AFTPH: variants seen among roughly 807,000 people sequenced by gnomAD.
AFTPH encodes the protein aftiphilin.
A neutral mutation model predicts 72.5 loss-of-function variants in AFTPH; 7 were observed. The ratio of observed to expected loss-of-function variants is 0.10; its 90% CI spans 0.05 to 0.18. AFTPH has a LOEUF of 0.18. Among genes scored for constraint, AFTPH ranks in the 10% least tolerant of loss-of-function variants. The pLI, the probability that AFTPH is intolerant of heterozygous loss-of-function variation, is 1.00. For missense variants in AFTPH, 979 were observed against 1,060.5 expected, an observed-to-expected ratio of 0.92 and a Z score of 1.07; for synonymous variants, 337 against 370.1, an observed-to-expected ratio of 0.91 and a Z score of 1.03.
chr2:64,545,226 G>A (rs1265005426), intron 1 of AFTPH, among the ~76,000 whole-genome samples: 1 of 151,830 alleles, frequency 6.6e-6, no homozygotes. Context: ...ATGTAAAATG[G>A]TACAGCTACT....
At chr2:64,581,737 T>G (rs965572654) in intron 7 of AFTPH, among the ~76,000 whole-genome samples, 10 of 152,244 alleles carry the variant, frequency 6.6e-5, no homozygotes, top group Non-Finnish European at 1.5e-4. Context: ...AGTTGTTTAT[T>G]AGTGCTGCTA....
chr2:64,580,210 A>T (rs140060632), intron 7 of AFTPH: 5 of 152,794 alleles, frequency 3.3e-5, no homozygotes, highest in African/African-American at 1.2e-4. Context: ...GTTAGTTTCT[A>T]GTATTGACAC....
chr2:64,536,102 T>C (rs543897559), intron 1 of AFTPH, among the ~76,000 whole-genome samples: 1 of 152,264 alleles, frequency 6.6e-6, no homozygotes, highest in East Asian at 1.9e-4. Context: ...TGAGTAGAGG[T>C]TGAATTCAGT....
chr2:64,546,049 C>T (rs945650893), intron 1 of AFTPH, among the ~76,000 whole-genome samples: 36 of 151,918 alleles, frequency 2.4e-4, no homozygotes, highest in Admixed American at 2.2e-3. Context: ...CCCGCCACCA[C>T]GCCTGGCTAA....
Position 64,578,333 on chromosome 2 carries a change from C to T in AFTPH, c.2395-1153C>T, listed in dbSNP as rs188739427. On this transcript the variant is annotated intron_variant, in intron 6 of 8. Coordinates refer to ENST00000238856, the Ensembl canonical transcript of AFTPH. ...GTGGTAAGCGATGTCCAAAAAAAGACGATAACATTTTGATATCAAAAGTCT... is the reference window on the plus strand; with the variant it reads ...GTGGTAAGCGATGTCCAAAAAAAGATGATAACATTTTGATATCAAAAGTCT... 9.9e-4 allele frequency among the ~76,000 whole-genome samples: 150 copies of T among 152,104 alleles called. 1 individual carries two copies. The highest frequency in any genetic ancestry group is 3.3e-3 in the African/African-American group (137 of 41,478).
chr2:64,573,433 A>T (rs549039739), intron 6 of AFTPH, among the ~76,000 whole-genome samples: 12 of 51,352 alleles, frequency 2.3e-4, no homozygotes, highest in African/African-American at 6.6e-4. Flanking sequence ...TGCTGGGTTT[A>T]AAAAAAAAAA....
At chr2:64,564,286 C>CATTT (rs1273339650) in intron 2 of AFTPH, among the ~76,000 whole-genome samples, 1 of 152,130 alleles carries the variant, frequency 6.6e-6, no homozygotes, top group African/African-American at 2.4e-5. Context: ...TTTTGCCATT[C>CATTT]ATTTATTTCA....
chr2:64,530,724 TATTAA>T (rs536079735), intron 1 of AFTPH, among the ~76,000 whole-genome samples: 178 of 152,286 alleles, frequency 1.2e-3, no homozygotes, highest in Non-Finnish European at 2.2e-3. Context: ...TTCTTTTACT[TATTAA>T]ATTGTGAGCA....
At chr2:64,533,897 T>A (rs1373388002) in intron 1 of AFTPH, among the ~76,000 whole-genome samples, 2 of 152,228 alleles carry the variant, frequency 1.3e-5, no homozygotes, top group African/African-American at 4.8e-5. Context: ...CCTAAGTGAT[T>A]AATGAATTAT....
chr2:64,553,276 A>G (rs963899589), exon 2 of AFTPH: 12 of 1,614,022 alleles, frequency 7.4e-6, no homozygotes, highest in Non-Finnish European at 1.0e-5. Context: ...CATCGAAAGG[A>G]AGCCTGGCAG....
In AFTPH at chr2:64,574,042, C is replaced by T. The variant is rs143906840; in HGVS notation, c.2394+974C>T. On this transcript the variant is annotated intron_variant, in intron 6 of 8. Coordinates refer to ENST00000238856, the Ensembl canonical transcript of AFTPH. ...TCAGACTAATATGTTAATATAAAGTCTTCTCTCACTTTTTGTTCGGGTAAA... is the reference window on the plus strand; with the variant it reads ...TCAGACTAATATGTTAATATAAAGTTTTCTCTCACTTTTTGTTCGGGTAAA... Among the ~76,000 whole-genome samples, 69 of 152,318 alleles carry T rather than the reference C, an allele frequency of 4.5e-4. No individual in the cohort carries two copies. In the East Asian group the frequency reaches 0.013, roughly 28 times the overall value.
intron 2 of AFTPH, among the ~76,000 whole-genome samples, chr2:64,562,077 C>A (rs567304774): frequency 3.4e-4 from 51 of 152,172 alleles, no homozygotes; most frequent in Non-Finnish European, 6.3e-4. Flanking sequence ...TTACCTGAAT[C>A]TTCCTGAACT....
intron 1 of AFTPH, among the ~76,000 whole-genome samples, chr2:64,527,150 A>G (rs1010789343): frequency 3.3e-5 from 5 of 152,232 alleles, no homozygotes; most frequent in Non-Finnish European, 5.9e-5. Context: ...TTACAAACAT[A>G]TCTTTATATC....
At chr2:64,549,428 CTCCT>C (rs1670893202) in intron 1 of AFTPH, among the ~76,000 whole-genome samples, 1 of 141,482 alleles carries the variant, frequency 7.1e-6, no homozygotes, top group African/African-American at 2.5e-5. Flanking sequence ...TCAAGTGATT[CTCCT>C]GCCTCAGCTT....
At chr2:64,531,039 G>GTGACAGAGTGAGACTTCA (rs1669598843) in intron 1 of AFTPH, among the ~76,000 whole-genome samples, 1 of 139,840 alleles carries the variant, frequency 7.2e-6, no homozygotes, top group Non-Finnish European at 1.5e-5. Context: ...TCCAGTCTGG[G>GTGACAGAGTGAGACTTCA]TGACAGAGTG....
At chr2:64,579,614 T>G (rs1268622729) in intron 7 of AFTPH, 68 bp downstream of exon 7, 8 of 1,350,126 alleles carry the variant, frequency 5.9e-6, no homozygotes, top group Non-Finnish European at 8.4e-6. Context: ...TCAGACAAAC[T>G]TCTCTCTGCT....
At chr2:64,544,322 C>G (rs1037477706) in intron 1 of AFTPH, among the ~76,000 whole-genome samples, 3 of 152,168 alleles carry the variant, frequency 2.0e-5, no homozygotes, top group African/African-American at 7.2e-5. Context: ...TTTTTGTATA[C>G]AGTGGCTTGC....
chr2:64,543,391 A>G (rs12104856), intron 1 of AFTPH, among the ~76,000 whole-genome samples: 56,280 of 152,008 alleles, frequency 0.37, 10,706 homozygotes, highest in African/African-American at 0.46. Flanking sequence ...ATGCAGTCCA[A>G]TATATCAATC....
At chr2:64,567,491 A>C (rs1333087994) in intron 2 of AFTPH, 71 bp from the exon 3 acceptor site, 5 of 1,512,204 alleles carry the variant, frequency 3.3e-6, no homozygotes, top group Non-Finnish European at 4.5e-6. Flanking sequence ...GTGTGTTTGC[A>C]TTTTAATGCT....
Sources: allele counts gnomAD v4.1 joint callset (sites outside exome capture counted in the v4.1 genomes callset), GRCh38; gene constraint gnomAD v4.1.1; transcripts MANE v1.5; gene names NCBI Gene and HGNC (gene_info 2026-07-23, HGNC 2026-07-21).